Variants in CYFIP1 observed in about 807,000 individuals in gnomAD.
The protein encoded by CYFIP1 is cytoplasmic FMR1 interacting protein 1, also known as cytoplasmic FMR1-interacting protein 1.
CYFIP1 carries 58 observed loss-of-function variants against 163.5 expected under a neutral mutation model. The ratio of observed to expected loss-of-function variants is 0.35; its 90% CI spans 0.29 to 0.44. The LOEUF is 0.44. Among genes scored for constraint, CYFIP1 ranks in the 20% least tolerant of loss-of-function variants. CYFIP1 has a pLI of 1.00. For missense variants in CYFIP1, 1,338 were observed against 1,653.8 expected, an observed-to-expected ratio of 0.81 and a Z score of 3.31; for synonymous variants, 663 against 660.7, an observed-to-expected ratio of 1.00 and a Z score of -0.05.
Position 22,943,261 on chromosome 15 carries a change from G to T in CYFIP1, c.481C>A (p.Leu161Met). Residue 161 changes from leucine to methionine, a missense_variant, in exon 6 of 31, where the codon CTG becomes ATG. Physicochemically the swap from Leu to Met is conservative, Grantham distance 15. Coordinates refer to ENST00000617928, the MANE Select transcript of CYFIP1 (RefSeq NM_014608.6). ...DFVSEAYLIT[L>M]GKFINMFAVL... Reference sequence around the variant, plus strand: ...GCGAACATGTTGATGAATTTGCCCAGTGTGATCAGGTAGGCTTCTGACACG... The same window carrying T: ...GCGAACATGTTGATGAATTTGCCCATTGTGATCAGGTAGGCTTCTGACACG... The T allele has an allele frequency of 6.2e-7, 1 of 1,614,226 alleles. No individual in the cohort carries two copies. The highest frequency in any genetic ancestry group is 8.5e-7 in the Non-Finnish European group (1 of 1,180,032).
chr15:22,879,465 T>G (rs1481909290), intron 26 of CYFIP1, among the ~76,000 whole-genome samples: 3 of 152,104 alleles, frequency 2.0e-5, no homozygotes, highest in Non-Finnish European at 4.4e-5. Context: ...ACTCGTGCTG[T>G]CCACCATGGG....
intron 22 of CYFIP1, among the ~76,000 whole-genome samples, chr15:22,894,891 T>G (rs1412413040): frequency 4.1e-5 from 6 of 145,126 alleles, no homozygotes; most frequent in Non-Finnish European, 6.0e-5. Flanking sequence ...TTTTTTTTTT[T>G]GTCACCCACA....
intron 1 of CYFIP1, among the ~76,000 whole-genome samples, chr15:22,960,210 C>T (rs529938143): frequency 6.6e-6 from 1 of 152,330 alleles, no homozygotes; most frequent in Admixed American, 6.5e-5. Context: ...TACACTACAC[C>T]TCACTCGCCA....
chr15:22,880,268 C>G (rs1006283281), intron 25 of CYFIP1, among the ~76,000 whole-genome samples: 1 of 152,226 alleles, frequency 6.6e-6, no homozygotes, highest in Admixed American at 6.5e-5. Context: ...GCTCTGAAGC[C>G]TCTTTTCAAC....
intron 25 of CYFIP1, 36 bp from the exon 26 acceptor site, chr15:22,880,079 G>A (rs770951813): frequency 2.7e-5 from 43 of 1,611,604 alleles, no homozygotes; most frequent in Non-Finnish European, 2.8e-5. Flanking sequence ...TTGGGGGACT[G>A]GAGGGGGCCG....
intron 1 of CYFIP1, among the ~76,000 whole-genome samples, chr15:22,958,859 T>G (rs558787115): frequency 6.6e-6 from 1 of 152,324 alleles, no homozygotes; most frequent in South Asian, 2.1e-4. Flanking sequence ...ATCTGTCAAA[T>G]TTGTATGAAA....
chr15:22,937,651 T>C (rs1479692450), intron 8 of CYFIP1, among the ~76,000 whole-genome samples: 1 of 147,030 alleles, frequency 6.8e-6, no homozygotes, highest in Non-Finnish European at 1.5e-5. Context: ...CGGGCTGGAG[T>C]GCAGTGGTGC....
In CYFIP1 at chr15:22,867,448, T is replaced by G; in HGVS notation, c.*2580A>C. ...ATTTCTCAGGTTGAGATGATCACCG[T>G]GAATCCGGCTTCCTCTGAGCATTCG... is the stretch of plus-strand genomic sequence containing the variant. On this transcript the variant is annotated 3_prime_UTR_variant, in exon 31 of 31. Transcript: ENST00000617928. The G allele has an allele frequency of 2.8e-6, 1 of 352,744 alleles. No individual in the cohort carries two copies. Among genetic ancestry groups the G allele is most frequent in the Non-Finnish European group, 5.0e-6 (1 of 198,498 alleles). The allele number at this position is 352,744 out of a possible 1,614,324, so 21.9% of individuals were successfully genotyped here. A position where few individuals can be genotyped will look rare whatever the true frequency, so the allele number is the denominator to read the frequency against.
At chr15:22,895,023 T>C (rs1272949103) in intron 22 of CYFIP1, among the ~76,000 whole-genome samples, 1 of 150,108 alleles carries the variant, frequency 6.7e-6, no homozygotes, top group Non-Finnish European at 1.5e-5. Flanking sequence ...CTAATTTTTT[T>C]TTTTTTTTTT....
chr15:22,917,440 T>C lies in CYFIP1; in HGVS notation c.1674+348A>G, dbSNP rs933427669. ...TTTCCCACGCCCCATCTACAGTCAT[T>C]TGCAGACCCAACGTAAAAATTATAC... On this transcript the variant is annotated intron_variant, in intron 15 of 30. Coordinates refer to ENST00000617928, the MANE Select transcript of CYFIP1 (RefSeq NM_014608.6). The surrounding 1 kb of genome is among the most constrained non-coding windows in gnomAD (Gnocchi z 4.2). 4 of 554,756 alleles carry C rather than the reference T, an allele frequency of 7.2e-6. No individual in the cohort carries two copies. The African/African-American group carries it at 7.8e-5, about 11-fold the overall frequency. The allele number at this position is 554,756 out of a possible 1,614,324, so 34.4% of individuals were successfully genotyped here.
intron 23 of CYFIP1, among the ~76,000 whole-genome samples, chr15:22,883,320 CCTCCCAGT>C (rs1047428816): frequency 6.6e-6 from 1 of 152,162 alleles, no homozygotes; most frequent in African/African-American, 2.4e-5. Context: ...TTTCCCCCTG[CCTCCCAGT>C]CTCCCAGCAG....
At chr15:22,896,752 G>A (rs901336076) in intron 22 of CYFIP1, among the ~76,000 whole-genome samples, 7 of 151,890 alleles carry the variant, frequency 4.6e-5, no homozygotes, top group Non-Finnish European at 8.8e-5. Flanking sequence ...CCTTGTCTGC[G>A]AATTCCATCA....
chr15:22,922,626 C>A (rs954565938), intron 13 of CYFIP1, among the ~76,000 whole-genome samples: 1 of 152,146 alleles, frequency 6.6e-6, no homozygotes, highest in Non-Finnish European at 1.5e-5. Context: ...CCTTGTCAAA[C>A]GCTGTATAAA....
At chr15:22,957,105 G>A (rs1595703318) in intron 1 of CYFIP1, among the ~76,000 whole-genome samples, 1 of 152,184 alleles carries the variant, frequency 6.6e-6, no homozygotes, top group South Asian at 2.1e-4. Flanking sequence ...CAGGCGGCAC[G>A]CCGACGCTAA....
At chr15:22,968,954 T>C (rs2062999656) in intron 1 of CYFIP1, among the ~76,000 whole-genome samples, 2 of 152,158 alleles carry the variant, frequency 1.3e-5, no homozygotes, top group African/African-American at 4.8e-5. Flanking sequence ...TATGTGGTTC[T>C]TCAGAGCAAG....
At chr15:22,883,530 G>C (rs1447982944) in intron 23 of CYFIP1, among the ~76,000 whole-genome samples, 1 of 152,146 alleles carries the variant, frequency 6.6e-6, no homozygotes, top group Non-Finnish European at 1.5e-5. Context: ...AAAAAAAGCA[G>C]GTTTAGGCCA....
chr15:22,879,208 AG>A (rs1394667515), intron 26 of CYFIP1, among the ~76,000 whole-genome samples: 1 of 152,170 alleles, frequency 6.6e-6, no homozygotes, highest in Non-Finnish European at 1.5e-5. Flanking sequence ...AGAAACAAGA[AG>A]ACGCAACGAA....
chr15:22,943,785 T>C (rs1159631526), intron 5 of CYFIP1, among the ~76,000 whole-genome samples: 1 of 152,166 alleles, frequency 6.6e-6, no homozygotes, highest in Non-Finnish European at 1.5e-5. Flanking sequence ...GACATCATCA[T>C]AAAAAATCTG....
At chr15:22,980,208 C>T (rs1250156302) in intron 1 of CYFIP1, 79 bp downstream of exon 1, 2 of 151,210 alleles carry the variant, frequency 1.3e-5, no homozygotes, top group Non-Finnish European at 3.0e-5. Context: ...CCGCCGCCGC[C>T]CTGGCCGGCC....
Sources: gnomAD v4.1 joint callset for allele counts (sites outside exome capture counted in the v4.1 genomes callset) on GRCh38, gnomAD v4.1.1 for gene constraint, Gnocchi (gnomAD v3.1) non-coding constraint, MANE v1.5 for transcripts, NCBI Gene and HGNC (gene_info 2026-07-23, HGNC 2026-07-21) for gene names.